INPP4B: variants seen among roughly 807,000 people sequenced by gnomAD.
INPP4B encodes inositol polyphosphate 4-phosphatase type II.
Under a neutral mutation model 122.5 loss-of-function variants are expected in INPP4B, and 55 were observed. The ratio of observed to expected loss-of-function variants is 0.45; its 90% CI spans 0.36 to 0.56. INPP4B has a LOEUF of 0.56. Ranked by LOEUF, INPP4B falls within the 20% of genes least tolerant of loss-of-function variation. The pLI is 0.00. For synonymous variants in INPP4B, 403 were observed against 388.7 expected (o/e 1.04, Z -0.43); for missense variants, 1,000 against 1,097.7 (o/e 0.91, Z 1.26).
At chr4:142,594,319 T>A (rs1197219661) in intron 2 of INPP4B, among the ~76,000 whole-genome samples, 1 of 152,206 alleles carries the variant, frequency 6.6e-6, no homozygotes, top group Non-Finnish European at 1.5e-5. Flanking sequence ...TTTATAGTGC[T>A]TGATATGCAT....
chr4:142,787,260 G>T (rs1461337235), intron 1 of INPP4B, among the ~76,000 whole-genome samples: 1 of 152,150 alleles, frequency 6.6e-6, no homozygotes, highest in Non-Finnish European at 1.5e-5. Flanking sequence ...CAACCGTGCT[G>T]GGAGGTGAGG....
intron 18 of INPP4B, among the ~76,000 whole-genome samples, chr4:142,137,062 A>G (rs1484051498): frequency 6.6e-6 from 1 of 152,224 alleles, no homozygotes; most frequent in African/African-American, 2.4e-5. Flanking sequence ...ACCAAAAAAG[A>G]GCTCGCATCG....
chr4:142,528,627 C>T (rs1285539438), intron 2 of INPP4B, among the ~76,000 whole-genome samples: 1 of 151,988 alleles, frequency 6.6e-6, no homozygotes, highest in Non-Finnish European at 1.5e-5. Context: ...CTAGGCCCAG[C>T]CCATACTGAA....
intron 8 of INPP4B, 120 bp downstream of exon 8, chr4:142,314,592 C>A: frequency 1.1e-6 from 1 of 903,068 alleles, no homozygotes. Flanking sequence ...CTTGAAGAGC[C>A]ACACCCTGTT....
intron 2 of INPP4B, among the ~76,000 whole-genome samples, chr4:142,711,119 C>T (rs1763061961): frequency 6.6e-6 from 1 of 152,162 alleles, no homozygotes; most frequent in South Asian, 2.1e-4. Context: ...TCAAAAGTAG[C>T]TAGAATGGCC....
At chr4:142,524,195 A>G (rs2149943482) in intron 2 of INPP4B, among the ~76,000 whole-genome samples, 1 of 152,174 alleles carries the variant, frequency 6.6e-6, no homozygotes, top group East Asian at 1.9e-4. Context: ...GCTGGGTCAA[A>G]TGGTATTTCT....
chr4:142,282,398 C>T (rs1751603845), intron 9 of INPP4B, among the ~76,000 whole-genome samples: 1 of 152,080 alleles, frequency 6.6e-6, no homozygotes, highest in Non-Finnish European at 1.5e-5. Flanking sequence ...TTCTCCATTG[C>T]TACATAACAA....
At chr4:142,609,018 T>A (rs1257616678) in intron 2 of INPP4B, among the ~76,000 whole-genome samples, 1 of 152,070 alleles carries the variant, frequency 6.6e-6, no homozygotes, top group Non-Finnish European at 1.5e-5. Context: ...TCAAAGGAAG[T>A]TCAGTCTCGC....
chr4:142,088,066 T>C (rs1316731174), intron 23 of INPP4B, among the ~76,000 whole-genome samples: 1 of 152,172 alleles, frequency 6.6e-6, no homozygotes, highest in Non-Finnish European at 1.5e-5. Context: ...CAGATGATTC[T>C]CATACAAAAG....
At chr4:142,431,428 CAGTATAAAGCTAAAA>C in intron 3 of INPP4B, 43 bp from the exon 4 acceptor site, 1 of 601,116 alleles carries the variant, frequency 1.7e-6, no homozygotes, top group East Asian at 2.8e-5. Flanking sequence ...TATTGGAGTT[CAGTATAAAGCTAAAA>C]AGTAAAGGTA....
intron 2 of INPP4B, among the ~76,000 whole-genome samples, chr4:142,625,356 A>C (rs1191927623): frequency 6.6e-6 from 1 of 152,188 alleles, no homozygotes; most frequent in Non-Finnish European, 1.5e-5. Flanking sequence ...AGAGAGAGTC[A>C]AATCATGAGT....
intron 2 of INPP4B, among the ~76,000 whole-genome samples, chr4:142,670,284 C>T (rs569903553): frequency 6.4e-4 from 98 of 152,206 alleles, no homozygotes; most frequent in African/African-American, 2.3e-3. Context: ...AGCAACCCCA[C>T]TTTTGGTTAT....
At chr4:142,743,660 T>C (rs1481304501) in intron 1 of INPP4B, among the ~76,000 whole-genome samples, 1 of 151,916 alleles carries the variant, frequency 6.6e-6, no homozygotes, top group Non-Finnish European at 1.5e-5. Context: ...AGTCATACTT[T>C]GTGAGTGGAG....
At chr4:142,075,325 T>C (rs189779300) in intron 25 of INPP4B, among the ~76,000 whole-genome samples, 1 of 151,752 alleles carries the variant, frequency 6.6e-6, no homozygotes, top group East Asian at 2.0e-4. Flanking sequence ...GTGAAAGCTG[T>C]GGGAATTCAG....
At chr4:142,603,920 AC>A (rs1284064169) in intron 2 of INPP4B, among the ~76,000 whole-genome samples, 3 of 152,094 alleles carry the variant, frequency 2.0e-5, no homozygotes, top group Non-Finnish European at 1.5e-5. Context: ...ACACACACAC[AC>A]ACACACACAA....
Position 142,431,472 on chromosome 4 carries a change from A to T in INPP4B, c.-126-87T>A, listed in dbSNP as rs957946987. 3 of 547,676 alleles carry T rather than the reference A, an allele frequency of 5.5e-6. No individual in the cohort carries two copies. The African/African-American group carries it at 5.8e-5, about 11-fold the overall frequency. 33.9% of individuals were successfully genotyped at this position (547,676 alleles called of 1,614,324 possible). On this transcript the variant is annotated intron_variant, in intron 3 of 25. Coordinates refer to ENST00000262992, the MANE Select transcript of INPP4B (RefSeq NM_001101669.3). ...AAAGGTAAGTAGAGACTGCAACTACATTCAAATAAACTTTCTTCCTGCCTA... is the reference window on the plus strand; with the variant it reads ...AAAGGTAAGTAGAGACTGCAACTACTTTCAAATAAACTTTCTTCCTGCCTA...
chr4:142,038,815 C>G (rs769177237), intron 25 of INPP4B, among the ~76,000 whole-genome samples: 1 of 152,096 alleles, frequency 6.6e-6, no homozygotes, highest in Non-Finnish European at 1.5e-5. Context: ...GAGAGATCGC[C>G]TATGTATCAT....
At chr4:142,289,971 C>A (rs1361424468) in intron 9 of INPP4B, among the ~76,000 whole-genome samples, 1 of 152,102 alleles carries the variant, frequency 6.6e-6, no homozygotes, top group African/African-American at 2.4e-5. Flanking sequence ...CACCATCACT[C>A]CTCCCTTGAA....
intron 11 of INPP4B, among the ~76,000 whole-genome samples, chr4:142,252,864 G>C (rs536412852): frequency 2.0e-5 from 3 of 152,272 alleles, no homozygotes; most frequent in Admixed American, 6.5e-5. Context: ...GAAATTTATA[G>C]TCGTGTAGTT....
Sources: allele counts gnomAD v4.1 joint callset (sites outside exome capture counted in the v4.1 genomes callset), GRCh38; gene constraint gnomAD v4.1.1; transcripts MANE v1.5; gene names NCBI Gene and HGNC (gene_info 2026-07-23, HGNC 2026-07-21).